Variants in TRPC6 observed in about 807,000 individuals in gnomAD.
TRPC6 encodes transient receptor potential cation channel subfamily C member 6, also known as short transient receptor potential channel 6.
In TRPC6, 55 loss-of-function variants were observed where a neutral mutation model predicts 90.7. That is an observed-to-expected ratio of 0.61 (90% confidence interval 0.49 to 0.76). The LOEUF is 0.76. Ranked by LOEUF, TRPC6 falls within the 30% of genes least tolerant of loss-of-function variation. The probability of loss-of-function intolerance (pLI) is 0.00; values close to 1 mark genes in which losing one functional copy is unlikely to be tolerated. For missense variants in TRPC6, 989 were observed against 1,122.7 expected (o/e 0.88, Z 1.70); for synonymous variants, 393 against 393.0 (o/e 1.00, Z 0.00).
intron 1 of TRPC6, among the ~76,000 whole-genome samples, chr11:101,547,598 T>C (rs1023060476): frequency 2.0e-5 from 3 of 152,188 alleles, no homozygotes; most frequent in African/African-American, 7.2e-5. Flanking sequence ...AGATCATCGA[T>C]TTCTGTTATG....
chr11:101,567,331 T>G (rs1027657814), intron 1 of TRPC6, among the ~76,000 whole-genome samples: 3 of 139,592 alleles, frequency 2.1e-5, no homozygotes, highest in African/African-American at 8.0e-5. Context: ...CCCTCCTCCC[T>G]GGGCAGGGCA....
intron 1 of TRPC6, among the ~76,000 whole-genome samples, chr11:101,530,875 C>T (rs1860897440): frequency 6.6e-6 from 1 of 152,066 alleles, no homozygotes; most frequent in Non-Finnish European, 1.5e-5. Context: ...AACAGAATGA[C>T]AAATTTATTA....
intron 10 of TRPC6, among the ~76,000 whole-genome samples, chr11:101,466,172 G>T (rs1024989912): frequency 1.1e-4 from 16 of 152,226 alleles, no homozygotes; most frequent in Non-Finnish European, 2.1e-4. Flanking sequence ...CACCTTCCAG[G>T]ATACACAGGG....
At chr11:101,475,445 C>T (rs1005082290) in intron 6 of TRPC6, among the ~76,000 whole-genome samples, 1 of 152,104 alleles carries the variant, frequency 6.6e-6, no homozygotes, top group African/African-American at 2.4e-5. Context: ...AATTTACTCT[C>T]AGCAATTTTC....
intron 1 of TRPC6, among the ~76,000 whole-genome samples, chr11:101,536,785 G>C (rs1038260467): frequency 2.0e-5 from 3 of 152,148 alleles, no homozygotes; most frequent in African/African-American, 7.2e-5. Context: ...GGATGTCATT[G>C]ATGAGTTTAA....
At chr11:101,553,257 T>C (rs541463233) in intron 1 of TRPC6, among the ~76,000 whole-genome samples, 1 of 152,272 alleles carries the variant, frequency 6.6e-6, no homozygotes, top group African/African-American at 2.4e-5. Flanking sequence ...AACCAAATGC[T>C]GTTCTAAGCT....
intron 1 of TRPC6, among the ~76,000 whole-genome samples, chr11:101,574,941 A>G (rs575374790): frequency 6.6e-6 from 1 of 152,114 alleles, no homozygotes; most frequent in African/African-American, 2.4e-5. Flanking sequence ...TGCTACTACA[A>G]GTCAGGACAA....
At chr11:101,525,788 A>G (rs1860765712) in intron 1 of TRPC6, among the ~76,000 whole-genome samples, 1 of 152,200 alleles carries the variant, frequency 6.6e-6, no homozygotes, top group African/African-American at 2.4e-5. Flanking sequence ...ATGTGGAGAC[A>G]CTGAAAACTT....
intron 1 of TRPC6, among the ~76,000 whole-genome samples, chr11:101,550,566 A>T (rs1861427822): frequency 6.6e-6 from 1 of 151,784 alleles, no homozygotes; most frequent in Non-Finnish European, 1.5e-5. Context: ...AGAACTAAAG[A>T]AAAAATAATT....
At chr11:101,571,855 C>A (rs529379477) in intron 1 of TRPC6, among the ~76,000 whole-genome samples, 9 of 152,122 alleles carry the variant, frequency 5.9e-5, no homozygotes, top group East Asian at 1.9e-4. Flanking sequence ...CTTACACCTT[C>A]TACAAAAATT....
intron 1 of TRPC6, among the ~76,000 whole-genome samples, chr11:101,560,209 G>A (rs1861683003): frequency 6.6e-6 from 1 of 151,878 alleles, no homozygotes; most frequent in Non-Finnish European, 1.5e-5. Flanking sequence ...TAGTCTGTGG[G>A]TGAGCCCGTT....
At chr11:101,534,007 A>G (rs992166473) in intron 1 of TRPC6, among the ~76,000 whole-genome samples, 4 of 152,026 alleles carry the variant, frequency 2.6e-5, no homozygotes, top group African/African-American at 7.2e-5. Flanking sequence ...CTCCCATTCC[A>G]TCTAGCTCAG....
intron 1 of TRPC6, among the ~76,000 whole-genome samples, chr11:101,543,944 G>A (rs1249279470): frequency 6.6e-6 from 1 of 152,184 alleles, no homozygotes; most frequent in East Asian, 1.9e-4. Context: ...AAGTGAACAG[G>A]CAAACTACAG....
intron 9 of TRPC6, among the ~76,000 whole-genome samples, chr11:101,470,065 CT>C (rs1382281694): frequency 2.0e-5 from 3 of 152,150 alleles, no homozygotes; most frequent in African/African-American, 7.2e-5. Context: ...TGCAAGGAAA[CT>C]TTATAATCAT....
intron 1 of TRPC6, among the ~76,000 whole-genome samples, chr11:101,506,641 A>G (rs1369828968): frequency 1.3e-5 from 2 of 152,150 alleles, no homozygotes; most frequent in Non-Finnish European, 2.9e-5. Context: ...TTCGAAAATG[A>G]CATGAAGGGC....
intron 7 of TRPC6, among the ~76,000 whole-genome samples, chr11:101,473,149 G>T (rs539729278): frequency 1.5e-4 from 23 of 152,206 alleles, no homozygotes; most frequent in African/African-American, 5.3e-4. Context: ...TAGAGCAACA[G>T]ACCCTAGAGT....
intron 4 of TRPC6, among the ~76,000 whole-genome samples, chr11:101,484,633 G>GTGTGTGTA (rs1859634222): frequency 2.8e-5 from 4 of 143,052 alleles, no homozygotes; most frequent in African/African-American, 1.1e-4. Flanking sequence ...GTGTGTGTGT[G>GTGTGTGTA]TGTATGAGTG....
At chr11:101,491,832 CATTCTTTTTTTTT>C in intron 2 of TRPC6, 94 bp from the exon 3 acceptor site, 1 of 568,382 alleles carries the variant, frequency 1.8e-6, no homozygotes, top group Non-Finnish European at 2.6e-6. Context: ...TTAAGAGAAA[CATTCTTTTTTTTT>C]TTTTTTTTTT....
intron 1 of TRPC6, among the ~76,000 whole-genome samples, chr11:101,534,884 T>G (rs1490623592): frequency 1.3e-5 from 2 of 152,096 alleles, no homozygotes; most frequent in Non-Finnish European, 2.9e-5. Context: ...CAAACTGGGC[T>G]GGGCGTAGTA....
Sources: allele counts gnomAD v4.1 joint callset (sites outside exome capture counted in the v4.1 genomes callset), GRCh38; gene constraint gnomAD v4.1.1; transcripts MANE v1.5; gene names NCBI Gene and HGNC (gene_info 2026-07-23, HGNC 2026-07-21).